CYP46A1: variants seen among roughly 807,000 people sequenced by gnomAD.
CYP46A1 encodes cytochrome P450 family 46 subfamily A member 1, also known as cholesterol 24-hydroxylase.
CYP46A1 carries 20 observed loss-of-function variants against 63.3 expected under a neutral mutation model. The ratio of observed to expected loss-of-function variants is 0.32; its 90% CI spans 0.22 to 0.46. The LOEUF (loss-of-function observed/expected upper bound fraction) is 0.46. Among genes scored for constraint, CYP46A1 ranks in the 20% least tolerant of loss-of-function variants. The pLI is 1.00. For missense variants in CYP46A1, 445 were observed against 670.8 expected (o/e 0.66, Z 3.72); for synonymous variants, 268 against 273.6 (o/e 0.98, Z 0.20).
At chr14:99,698,216 GAGGGC>G (rs2056601842) in intron 3 of CYP46A1, among the ~76,000 whole-genome samples, 1 of 152,020 alleles carries the variant, frequency 6.6e-6, no homozygotes, top group African/African-American at 2.4e-5. Flanking sequence ...CAGTAGCCCA[GAGGGC>G]AGGCCTCTGG....
At chr14:99,693,358 G>A (rs2056559940) in intron 3 of CYP46A1, 1 of 152,172 alleles carries the variant, frequency 6.6e-6, no homozygotes, top group Admixed American at 6.5e-5. Flanking sequence ...ACTTGTAAAA[G>A]CATGCTACCA....
chr14:99,720,820 A>G (rs1315492410), intron 10 of CYP46A1, among the ~76,000 whole-genome samples: 2 of 151,896 alleles, frequency 1.3e-5, no homozygotes, highest in African/African-American at 4.8e-5. Context: ...ACAGTGGCTC[A>G]TGCCTGTAAT....
At chr14:99,716,248 T>A (rs1351527665) in intron 9 of CYP46A1, 49 bp downstream of exon 9, 7 of 1,591,610 alleles carry the variant, frequency 4.4e-6, no homozygotes, top group Admixed American at 1.7e-5. Context: ...GCAGAAATGC[T>A]GTGGACCATG....
chr14:99,691,282 C>G (rs1304257708), intron 2 of CYP46A1, 121 bp downstream of exon 2: 5 of 952,110 alleles, frequency 5.3e-6, no homozygotes, highest in East Asian at 5.0e-5. Flanking sequence ...ACTCCCAGCC[C>G]CAGCAGTTCC....
intron 10 of CYP46A1, among the ~76,000 whole-genome samples, 182 bp downstream of exon 10, chr14:99,718,308 C>T (rs1395786299): frequency 6.6e-6 from 1 of 152,182 alleles, no homozygotes; most frequent in African/African-American, 2.4e-5. Context: ...GAACACACCT[C>T]CTCCTCCCAC....
chr14:99,721,859 T>G, intron 11 of CYP46A1, 97 bp from the exon 12 acceptor site: 1 of 933,896 alleles, frequency 1.1e-6, no homozygotes, highest in Non-Finnish European at 1.7e-6. Flanking sequence ...ACTCAGCCTG[T>G]GGGTGGGAAA....
Position 99,721,315 on chromosome 14 carries a change from C to A in CYP46A1, c.1057C>A (p.Leu353Met). Residue 353 changes from leucine to methionine, a missense_variant, in exon 11 of 15, where the codon CTG becomes ATG. Coordinates refer to ENST00000261835, the MANE Select transcript of CYP46A1 (RefSeq NM_006668.2). Reference protein sequence around the residue: ...DFEDLGRLQYLSQVLKESLRL... With the variant: ...DFEDLGRLQYMSQVLKESLRL... ...CGAGGACCTGGGGAGACTGCAGTACCTGTCCCAGGTGTGGGAAGTAGGAGG... is the reference window on the plus strand; with the variant it reads ...CGAGGACCTGGGGAGACTGCAGTACATGTCCCAGGTGTGGGAAGTAGGAGG... 1 of 1,609,080 alleles carries A rather than the reference C, an allele frequency of 6.2e-7. No homozygotes were observed. The highest frequency in any genetic ancestry group is 8.5e-7 in the Non-Finnish European group (1 of 1,175,438).
intron 7 of CYP46A1, among the ~76,000 whole-genome samples, chr14:99,714,714 C>T (rs1229669664): frequency 2.7e-5 from 4 of 148,366 alleles, no homozygotes; most frequent in Admixed American, 1.4e-4. Context: ...GAGCTGAGAT[C>T]GTGCCATTGC....
intron 7 of CYP46A1, chr14:99,707,956 A>G (rs775107440): frequency 3.2e-5 from 12 of 379,730 alleles, no homozygotes; most frequent in Non-Finnish European, 4.8e-5. Flanking sequence ...ATGGTGTCAG[A>G]TTTTCTGGAT....
chr14:99,688,793 C>A (rs552626771), intron 1 of CYP46A1, among the ~76,000 whole-genome samples: 4 of 152,246 alleles, frequency 2.6e-5, no homozygotes, highest in African/African-American at 9.6e-5. Context: ...ACCAAACTTG[C>A]TGGGGGCTCG....
chr14:99,704,660 A>G (rs2056659958), intron 5 of CYP46A1, among the ~76,000 whole-genome samples: 1 of 152,236 alleles, frequency 6.6e-6, no homozygotes, highest in South Asian at 2.1e-4. Flanking sequence ...GCCACATACT[A>G]TCTGGATAAT....
rs3742377 is a variant in CYP46A1, at chr14:99,699,891, G to A, written c.357-124G>A. On this transcript the variant is annotated intron_variant, in intron 4 of 14. Transcript: ENST00000261835. ...GAATTCAGTGCCTTCACAATGTGGC[G>A]CAACCGTCGCCACCGCCTAGCTCCA... The A allele has an allele frequency of 0.15, 100,869 of 669,090 alleles. 7,995 individuals are homozygous for A. Among genetic ancestry groups the A allele is most frequent in the Admixed American group, 0.18 (6,480 of 36,640 alleles). The allele number at this position is 669,090 out of a possible 1,614,324, so 41.4% of individuals were successfully genotyped here. A position where few individuals can be genotyped will look rare whatever the true frequency, so the allele number is the denominator to read the frequency against.
intron 1 of CYP46A1, among the ~76,000 whole-genome samples, chr14:99,689,816 C>T (rs1399128408): frequency 6.6e-6 from 1 of 152,190 alleles, no homozygotes; most frequent in African/African-American, 2.4e-5. Context: ...CCTCCCCTAC[C>T]CTGGTTACTC....
chr14:99,684,960 G>A (rs929795226), intron 1 of CYP46A1, among the ~76,000 whole-genome samples: 3 of 152,084 alleles, frequency 2.0e-5, no homozygotes, highest in African/African-American at 7.2e-5. Context: ...GGAGCACGCT[G>A]TACTTCAGTC....
intron 5 of CYP46A1, 21 bp downstream of exon 5, chr14:99,700,122 C>A (rs376737456): frequency 6.4e-7 from 1 of 1,574,662 alleles, no homozygotes; most frequent in Non-Finnish European, 8.7e-7. Flanking sequence ...CCGGAGGCTC[C>A]GTGGCTCCTG....
At chr14:99,696,237 T>C (rs1018781101) in intron 3 of CYP46A1, among the ~76,000 whole-genome samples, 4 of 152,092 alleles carry the variant, frequency 2.6e-5, no homozygotes, top group Non-Finnish European at 4.4e-5. Flanking sequence ...AAGTATGTTT[T>C]AGTATTCTGT....
chr14:99,703,577 T>G, intron 5 of CYP46A1: 1 of 985,396 alleles, frequency 1.0e-6, no homozygotes, highest in Non-Finnish European at 1.2e-6. Flanking sequence ...CTGTTCCCAC[T>G]GCCTCAATGT....
At chr14:99,708,125 C>T in intron 7 of CYP46A1, 1 of 258,350 alleles carries the variant, frequency 3.9e-6, no homozygotes, top group Non-Finnish European at 7.6e-6. Flanking sequence ...CACGCACTGT[C>T]CAGGGACCAG....
rs2056889059 is a variant in CYP46A1 at position 99,725,645 on chromosome 14, C to T, written c.1265+166C>T. Among the ~76,000 whole-genome samples the T allele has an allele frequency of 6.6e-6, 1 of 152,132 alleles. No homozygotes were observed. Among genetic ancestry groups the T allele is most frequent in the African/African-American group, 2.4e-5 (1 of 41,432 alleles). On this transcript the variant is annotated intron_variant, in intron 13 of 14. Coordinates refer to ENST00000261835, the MANE Select transcript of CYP46A1 (RefSeq NM_006668.2). This position sits in a 1 kb window ranked among gnomAD's most constrained non-coding sequence, Gnocchi z 4.2. ...GCTCAGAGAGGTTAAGTAACTTGCC[C>T]AAGTGGCAGAGCAGGGGTCTGGCCC...
Sources: allele counts gnomAD v4.1 joint callset (sites outside exome capture counted in the v4.1 genomes callset), GRCh38; gene constraint gnomAD v4.1.1; non-coding constraint Gnocchi (gnomAD v3.1); transcripts MANE v1.5; gene names NCBI Gene and HGNC (gene_info 2026-07-23, HGNC 2026-07-21).